Variants in ATP10D observed in about 807,000 individuals in gnomAD.
The protein encoded by ATP10D is ATPase phospholipid transporting 10D (putative).
A neutral mutation model predicts 144.8 loss-of-function variants in ATP10D; 89 were observed. The ratio of observed to expected loss-of-function variants is 0.61; its 90% CI spans 0.52 to 0.73. The LOEUF (loss-of-function observed/expected upper bound fraction) is 0.73, where lower values mean the gene tolerates loss of function less well. Among genes scored for constraint, ATP10D ranks in the 30% least tolerant of loss-of-function variants. The probability of loss-of-function intolerance (pLI) is 0.00; values close to 1 mark genes in which losing one functional copy is unlikely to be tolerated. For missense variants in ATP10D, 1,603 were observed against 1,714.8 expected (o/e 0.93, Z 1.15); for synonymous variants, 571 against 615.1 (o/e 0.93, Z 1.06).
rs558973709 is a variant in ATP10D at position 47,549,239 on chromosome 4, G to C, written c.1635+2377G>C. Among the ~76,000 whole-genome samples, 10 of 152,298 alleles carry C rather than the reference G, an allele frequency of 6.6e-5. No homozygotes were observed. In the South Asian group the frequency reaches 2.1e-3, roughly 32 times the overall value. ...TTCTACACGAAATGCTCTTCTCTTAGATCTTTGTATAGCTGTCTCCTTTCT... is the reference window on the plus strand; with the variant it reads ...TTCTACACGAAATGCTCTTCTCTTACATCTTTGTATAGCTGTCTCCTTTCT... On this transcript the variant is annotated intron_variant, in intron 10 of 22. Transcript: ENST00000273859.
Position 47,512,578 on chromosome 4 carries a change from G to T in ATP10D, c.38G>T (p.Arg13Leu). 1 of 1,614,128 alleles carries T rather than the reference G, an allele frequency of 6.2e-7. No homozygotes were observed. Among genetic ancestry groups the T allele is most frequent in the Non-Finnish European group, 8.5e-7 (1 of 1,180,012 alleles). ...EALQWARYHWRRLIRGATRDD... is the reference protein window; with the variant it reads ...EALQWARYHWLRLIRGATRDD... ...CTCCAATGGGCCAGATATCACTGGC[G>T]ACGGCTGATCAGAGGTGCAACCAGG... Residue 13 changes from arginine to leucine, a missense_variant, in exon 2 of 23, where the codon CGA (arginine) becomes CTA (leucine). Physicochemically the swap from Arg to Leu is moderately radical, Grantham distance 102. Transcript: ENST00000273859.
chr4:47,503,758 A>T (rs909099582), intron 1 of ATP10D, among the ~76,000 whole-genome samples: 12 of 151,750 alleles, frequency 7.9e-5, no homozygotes, highest in African/African-American at 2.7e-4. Context: ...AATTAGCTAG[A>T]TGTGGTGGCT....
intron 9 of ATP10D, among the ~76,000 whole-genome samples, chr4:47,544,749 T>C (rs888217153): frequency 1.3e-5 from 2 of 152,142 alleles, no homozygotes; most frequent in African/African-American, 4.8e-5. Flanking sequence ...CAAAAACTAT[T>C]ACAAAAAAAT....
At chr4:47,564,107 A>G (rs1719469088) in intron 15 of ATP10D, among the ~76,000 whole-genome samples, 2 of 152,048 alleles carry the variant, frequency 1.3e-5, no homozygotes. Context: ...GGCCAGGCTG[A>G]TCTTGAACTC....
rs201508111 is a variant in ATP10D at position 47,544,377 on chromosome 4, T to C, written c.1397-2247T>C. Among the ~76,000 whole-genome samples, 4 of 152,166 alleles carry C rather than the reference T, an allele frequency of 2.6e-5. No homozygotes were observed. In the East Asian group the frequency reaches 7.7e-4, roughly 29 times the overall value. On this transcript the variant is annotated intron_variant, in intron 9 of 22. Coordinates refer to ENST00000273859, the MANE Select transcript of ATP10D (RefSeq NM_020453.4). ...CATTTGAACTAAACTTCTAAAGATG[T>C]TCAGTATTTATGTAAATAGAAAGGA...
chr4:47,522,143 C>T (rs931062483), intron 3 of ATP10D, among the ~76,000 whole-genome samples: 6 of 152,120 alleles, frequency 3.9e-5, no homozygotes, highest in African/African-American at 1.4e-4. Context: ...TGAAATGCCA[C>T]CTAACTAGCT....
chr4:47,525,496 C>G, intron 4 of ATP10D, 61 bp from the exon 5 acceptor site: 1 of 1,179,084 alleles, frequency 8.5e-7, no homozygotes, highest in Admixed American at 1.8e-5. Flanking sequence ...AGTGATAAAA[C>G]ACTTCAATAT....
At chr4:47,537,186 T>C (rs9993354) in intron 9 of ATP10D, among the ~76,000 whole-genome samples, 3,347 of 152,164 alleles carry the variant, frequency 0.022, 125 homozygotes, top group African/African-American at 0.076. Context: ...GGGTGGGAAT[T>C]GGAGGGATGA....
rs1386083907 is a variant in ATP10D, at chr4:47,489,916, G to A, written c.-38+4397G>A. Among the ~76,000 whole-genome samples, 4 of 152,116 alleles carry A rather than the reference G, an allele frequency of 2.6e-5. No homozygotes were observed. In the East Asian group the frequency reaches 7.7e-4, roughly 29 times the overall value. ...TCCTTAATTTCTTTTTCTAAAGTCT[G>A]CTTATTCAGCTTAAGGCCTTTTTGA... On this transcript the variant is annotated intron_variant, in intron 1 of 22. Coordinates refer to ENST00000273859, the MANE Select transcript of ATP10D (RefSeq NM_020453.4).
chr4:47,587,081 T>G lies in ATP10D; in HGVS notation c.3816T>G (p.Val1272=). The G allele has an allele frequency of 6.2e-7, 1 of 1,614,102 alleles. No homozygotes were observed. The highest frequency in any genetic ancestry group is 2.2e-5 in the East Asian group (1 of 44,874). ...TGTCTTATTTTTTATTTGCCATAGT[T>G]TTTGGAGCCATGTGTGTAACTTGCA... ...SILSYFLFAI[V]FGAMCVTCNP... The change falls in exon 22 of 23, where the codon GTT becomes GTG. Residue 1272 remains valine, a synonymous_variant. Coordinates refer to ENST00000273859, the MANE Select transcript of ATP10D (RefSeq NM_020453.4).
intron 1 of ATP10D, among the ~76,000 whole-genome samples, chr4:47,510,880 T>C (rs1469868126): frequency 6.6e-6 from 1 of 152,216 alleles, no homozygotes; most frequent in Non-Finnish European, 1.5e-5. Flanking sequence ...ATAAATCAAA[T>C]TGTGCTGATT....
At position 47,591,424 on chromosome 4, in the gene ATP10D, A is replaced by G. The variant is rs1560462972; in HGVS notation, c.*43A>G. The G allele has an allele frequency of 6.7e-7, 1 of 1,494,440 alleles. No individual in the cohort carries two copies. Among genetic ancestry groups the G allele is most frequent in the East Asian group, 2.3e-5 (1 of 44,002 alleles). The allele number at this position is 1,494,440 out of a possible 1,614,324, so 92.6% of individuals were successfully genotyped here. On this transcript the variant is annotated 3_prime_UTR_variant, in exon 23 of 23. Coordinates refer to ENST00000273859, the MANE Select transcript of ATP10D (RefSeq NM_020453.4). ...GCAAGTATTCTTTCAAGGTTGGAAG[A>G]GGGATTTTGAAGAGGTATCTCTCCA... is the stretch of plus-strand genomic sequence containing the variant.
At chr4:47,505,430 G>A (rs1405269328) in intron 1 of ATP10D, among the ~76,000 whole-genome samples, 1 of 152,036 alleles carries the variant, frequency 6.6e-6, no homozygotes, top group Non-Finnish European at 1.5e-5. Context: ...AACCTAGCAG[G>A]GTGAGGTTCA....
At chr4:47,559,152 C>T in intron 13 of ATP10D, 123 bp downstream of exon 13, 3 of 662,668 alleles carry the variant, frequency 4.5e-6, no homozygotes, top group Non-Finnish European at 7.8e-6. Flanking sequence ...GACACTGGCT[C>T]TCTTTTTACC....
intron 10 of ATP10D, among the ~76,000 whole-genome samples, chr4:47,553,409 T>C (rs563984308): frequency 3.0e-4 from 45 of 152,320 alleles, no homozygotes; most frequent in African/African-American, 1.1e-3. Context: ...TGAATTTAGA[T>C]AGAAACTTAG....
Position 47,554,920 on chromosome 4 carries a change from T to G in ATP10D, c.1824+6T>G. The G allele has an allele frequency of 6.2e-7, 1 of 1,612,248 alleles. No individual in the cohort carries two copies. Among genetic ancestry groups the G allele is most frequent in the Non-Finnish European group, 8.5e-7 (1 of 1,178,602 alleles). On this transcript the variant is annotated splice_donor_region_variant and intron_variant, in intron 11 of 22. Coordinates refer to ENST00000273859, the MANE Select transcript of ATP10D (RefSeq NM_020453.4). ...CTAACCAACCCCGACAAAAGGTGAG[T>G]AAGTTCTCTAATGCAAACAAGGGTC...
intron 1 of ATP10D, among the ~76,000 whole-genome samples, chr4:47,506,695 T>A (rs1716037294): frequency 6.6e-6 from 1 of 152,208 alleles, no homozygotes; most frequent in East Asian, 1.9e-4. Context: ...CATTCTTTCT[T>A]GGGTTATGTG....
chr4:47,520,757 C>CCAAT (rs1425085795), intron 3 of ATP10D, among the ~76,000 whole-genome samples: 1 of 152,052 alleles, frequency 6.6e-6, no homozygotes, highest in African/African-American at 2.4e-5. Context: ...TTAGTAGAGA[C>CCAAT]AGGGTTTCAC....
At position 47,536,570 on chromosome 4, in the gene ATP10D, T is replaced by C. The variant is rs1717859264; in HGVS notation, c.1143+6T>C. On this transcript the variant is annotated splice_donor_region_variant and intron_variant, in intron 8 of 22. Coordinates refer to ENST00000273859, the MANE Select transcript of ATP10D (RefSeq NM_020453.4). ...CCATGATCATTTTGTTACAGGTAATTTTTTATCAAGCTTATGGTAGAATTT... is the reference window on the plus strand; with the variant it reads ...CCATGATCATTTTGTTACAGGTAATCTTTTATCAAGCTTATGGTAGAATTT... 2 of 1,611,700 alleles carry C rather than the reference T, an allele frequency of 1.2e-6. No individual in the cohort carries two copies. Among genetic ancestry groups the C allele is most frequent in the African/African-American group, 1.3e-5 (1 of 74,892 alleles).
Sources: allele counts gnomAD v4.1 joint callset (sites outside exome capture counted in the v4.1 genomes callset), GRCh38; gene constraint gnomAD v4.1.1; transcripts MANE v1.5; gene names NCBI Gene and HGNC (gene_info 2026-07-23, HGNC 2026-07-21).